ULK4: variants seen among roughly 807,000 people sequenced by gnomAD.
ULK4 encodes the protein inactive serine/threonine-protein kinase ULK4.
In ULK4, 133 loss-of-function variants were observed where a neutral mutation model predicts 160.6. The observed-to-expected ratio is 0.83, with a 90% confidence interval of 0.72 to 0.96. ULK4 has a LOEUF of 0.96. Ranked by LOEUF, ULK4 falls within the 40% of genes least tolerant of loss-of-function variation. The pLI, the probability that ULK4 is intolerant of heterozygous loss-of-function variation, is 0.00. For synonymous variants in ULK4, 534 were observed against 539.8 expected (o/e 0.99, Z 0.15); for missense variants, 1,580 against 1,499.5 (o/e 1.05, Z -0.89).
intron 32 of ULK4, among the ~76,000 whole-genome samples, chr3:41,550,163 G>C (rs1273474811): frequency 6.6e-6 from 1 of 151,868 alleles, no homozygotes; most frequent in Non-Finnish European, 1.5e-5. Flanking sequence ...AAATTCAAAT[G>C]CAAGCATAAC....
intron 27 of ULK4, among the ~76,000 whole-genome samples, chr3:41,687,246 G>A (rs1422622577): frequency 1.3e-5 from 2 of 151,904 alleles, no homozygotes; most frequent in Non-Finnish European, 1.5e-5. Context: ...GGTGGCGCAC[G>A]CCTGTAGTCC....
At position 41,907,914 on chromosome 3, in the gene ULK4, A is replaced by G. The variant is rs1197446182; in HGVS notation, c.1113T>C (p.Thr371=). The change falls in exon 12 of 37, where the codon ACT becomes ACC. Residue 371 remains threonine, a synonymous_variant. Transcript: ENST00000301831. ...CCTCACCAGGACTTACTTCCACTGC[A>G]GTGCTAGTTCTGGGAGTAGGACGAG... ...LSSRPTPRTS[T]AVEVSPGEDM... 1.2e-6 allele frequency: 2 copies of G among 1,608,212 alleles called. No individual in the cohort carries two copies. Among genetic ancestry groups the G allele is most frequent in the East Asian group, 2.3e-5 (1 of 44,410 alleles).
intron 32 of ULK4, among the ~76,000 whole-genome samples, chr3:41,467,674 CA>C (rs924546746): frequency 4.6e-5 from 7 of 151,134 alleles, no homozygotes; most frequent in Admixed American, 1.3e-4. Flanking sequence ...AGATGAATCT[CA>C]AAAAAAATGC....
At chr3:41,721,255 ATTTTTTTTTTTTT>A (rs67078042) in intron 22 of ULK4, among the ~76,000 whole-genome samples, 8 of 45,054 alleles carry the variant, frequency 1.8e-4, no homozygotes, top group African/African-American at 2.0e-4. Context: ...TTCGCTTTGA[ATTTTTTTTTTTTT>A]TTTTTTTTTT....
chr3:41,826,339 C>A (rs1441071232), intron 18 of ULK4, among the ~76,000 whole-genome samples: 1 of 152,084 alleles, frequency 6.6e-6, no homozygotes, highest in Non-Finnish European at 1.5e-5. Context: ...GGGCTAAATG[C>A]TCCAATTAGA....
chr3:41,628,719 G>A (rs551750274), intron 30 of ULK4, among the ~76,000 whole-genome samples: 13 of 152,144 alleles, frequency 8.5e-5, no homozygotes, highest in Non-Finnish European at 1.6e-4. Context: ...TCTACAGTTC[G>A]GTTAACAGTA....
At chr3:41,334,397 C>G (rs2080509551) in intron 35 of ULK4, among the ~76,000 whole-genome samples, 1 of 152,138 alleles carries the variant, frequency 6.6e-6, no homozygotes, top group Non-Finnish European at 1.5e-5. Context: ...GAGAATGTCC[C>G]ACCCGACATC....
intron 30 of ULK4, among the ~76,000 whole-genome samples, chr3:41,645,499 G>C (rs1244612257): frequency 1.3e-5 from 2 of 152,170 alleles, no homozygotes; most frequent in African/African-American, 4.8e-5. Flanking sequence ...TAGTGGAGTG[G>C]TTTTCAGTGA....
At chr3:41,558,581 G>A (rs1196233370) in intron 32 of ULK4, among the ~76,000 whole-genome samples, 4 of 151,894 alleles carry the variant, frequency 2.6e-5, no homozygotes, top group Non-Finnish European at 4.4e-5. Context: ...GTGGGCGACT[G>A]TAATCCCAGC....
At chr3:41,616,507 G>A (rs567056908) in intron 30 of ULK4, among the ~76,000 whole-genome samples, 1 of 152,268 alleles carries the variant, frequency 6.6e-6, no homozygotes, top group South Asian at 2.1e-4. Flanking sequence ...CAGAAGCAGG[G>A]TGGGGCGTCG....
chr3:41,350,275 A>C (rs1019845719), intron 35 of ULK4, among the ~76,000 whole-genome samples: 1 of 152,202 alleles, frequency 6.6e-6, no homozygotes, highest in African/African-American at 2.4e-5. Context: ...TTGAGTCATA[A>C]GCCTTTTTAA....
At chr3:41,872,789 G>GA (rs369983366) in intron 17 of ULK4, among the ~76,000 whole-genome samples, 1,925 of 145,720 alleles carry the variant, frequency 0.013, 36 homozygotes, top group African/African-American at 0.042. Context: ...GAATAAAATT[G>GA]AAAAAAAAAA....
rs1424519734 is a variant in ULK4, at chr3:41,938,115, A to G, written c.221T>C (p.Val74Ala). ...TTTCTTACCTGTGCAGAGTTCCACC[A>G]CTAGCCAGAGGTGGTTGCTTGTTTC... The part of the protein sequence containing the change: ...WYETSNHLWL[V>A]VELCTGGSLK... Residue 74 changes from valine to alanine, a missense_variant, in exon 3 of 37, where the codon GTG (valine) becomes GCG (alanine). Val to Ala is a moderately conservative substitution (Grantham distance 64). Coordinates refer to ENST00000301831, the MANE Select transcript of ULK4 (RefSeq NM_017886.4). 1 of 1,611,786 alleles carries G rather than the reference A, an allele frequency of 6.2e-7. No individual in the cohort carries two copies. The highest frequency in any genetic ancestry group is 1.1e-5 in the South Asian group (1 of 90,812).
chr3:41,433,427 T>G (rs1323715550), intron 34 of ULK4, among the ~76,000 whole-genome samples: 2 of 152,218 alleles, frequency 1.3e-5, no homozygotes, highest in African/African-American at 4.8e-5. Flanking sequence ...GCAATCTATA[T>G]CAAAACTAAA....
chr3:41,257,736 C>G (rs2078862037), intron 35 of ULK4, among the ~76,000 whole-genome samples: 1 of 152,084 alleles, frequency 6.6e-6, no homozygotes, highest in Admixed American at 6.5e-5. Flanking sequence ...ACACAAAAAC[C>G]TGTATTCAAA....
intron 35 of ULK4, among the ~76,000 whole-genome samples, chr3:41,299,211 C>A (rs1351227818): frequency 1.3e-5 from 2 of 152,190 alleles, no homozygotes; most frequent in Admixed American, 1.3e-4. Context: ...GGCTATCCTG[C>A]TGGTGAACGA....
rs780265786 is a variant in ULK4, at chr3:41,800,220, T to C, written c.1922A>G (p.Gln641Arg). ...TCCTATTTCTCCTGTAATAAAGCCC[T>C]GGGACTGAGCAGAAAAGGTGGTACA... ...NVCTTFSAQS[Q>R]GFITGEIGPI... The change falls in exon 20 of 37, where the codon CAG (glutamine) becomes CGG (arginine). Residue 641 changes from glutamine to arginine, a missense_variant. Coordinates refer to ENST00000301831, the MANE Select transcript of ULK4 (RefSeq NM_017886.4). 1.4e-5 allele frequency: 23 copies of C among 1,613,756 alleles called. No homozygotes were observed. The highest frequency in any genetic ancestry group is 1.9e-5 in the Non-Finnish European group (23 of 1,179,892).
chr3:41,953,574 A>G (rs1700375117), intron 2 of ULK4, among the ~76,000 whole-genome samples: 1 of 151,866 alleles, frequency 6.6e-6, no homozygotes, highest in Non-Finnish European at 1.5e-5. Flanking sequence ...CAGCTTAAAA[A>G]TATATATATT....
chr3:41,313,926 G>A (rs1464650530), intron 35 of ULK4, among the ~76,000 whole-genome samples: 2 of 152,192 alleles, frequency 1.3e-5, no homozygotes, highest in Non-Finnish European at 2.9e-5. Flanking sequence ...TAGAGCTCGT[G>A]AGATGGCCTT....
Sources: gnomAD v4.1 joint callset for allele counts (sites outside exome capture counted in the v4.1 genomes callset) on GRCh38, gnomAD v4.1.1 for gene constraint, MANE v1.5 for transcripts, NCBI Gene and HGNC (gene_info 2026-07-23, HGNC 2026-07-21) for gene names.